Variants in ERI3 observed in about 807,000 individuals in gnomAD.
ERI3 encodes the protein ERI1 exoribonuclease 3.
In ERI3, 18 loss-of-function variants were observed where a neutral mutation model predicts 44.4. That is an observed-to-expected ratio of 0.41 (90% CI 0.28 to 0.60). The LOEUF (loss-of-function observed/expected upper bound fraction) is 0.60, where lower values mean the gene tolerates loss of function less well. ERI3 is among the 20% of genes least tolerant of loss of function. ERI3 has a pLI of 0.36. For synonymous variants in ERI3, 183 were observed against 164.8 expected (o/e 1.11, Z -0.84); for missense variants, 294 against 435.5 (o/e 0.68, Z 2.89).
At chr1:44,304,636 G>A (rs1645796179) in intron 6 of ERI3, among the ~76,000 whole-genome samples, 1 of 152,144 alleles carries the variant, frequency 6.6e-6, no homozygotes, top group Non-Finnish European at 1.5e-5. Flanking sequence ...TTCCATCGTG[G>A]CACCTTTCAC....
chr1:44,296,745 T>C (rs938848055), intron 6 of ERI3, among the ~76,000 whole-genome samples: 3 of 152,290 alleles, frequency 2.0e-5, no homozygotes, highest in East Asian at 1.9e-4. Context: ...TTGGCAAAGA[T>C]GGGAGTCCTA....
chr1:44,305,425 A>G (rs1349014068), intron 6 of ERI3, among the ~76,000 whole-genome samples: 1 of 152,248 alleles, frequency 6.6e-6, no homozygotes, highest in East Asian at 1.9e-4. Flanking sequence ...AGGCGAAGAA[A>G]AAGTGGGTCA....
intron 6 of ERI3, among the ~76,000 whole-genome samples, chr1:44,290,598 G>A (rs1404106160): frequency 6.6e-6 from 1 of 152,192 alleles, no homozygotes; most frequent in Non-Finnish European, 1.5e-5. Context: ...GCCTCCATGG[G>A]CAGCATGATT....
chr1:44,330,816 G>A (rs1646412661), intron 3 of ERI3, among the ~76,000 whole-genome samples: 1 of 152,098 alleles, frequency 6.6e-6, no homozygotes, highest in Non-Finnish European at 1.5e-5. Flanking sequence ...TCATCCCAAT[G>A]GCATCTTAAT....
chr1:44,232,427 CAG>C (rs1253552109), intron 8 of ERI3, among the ~76,000 whole-genome samples: 8 of 152,268 alleles, frequency 5.3e-5, no homozygotes, highest in African/African-American at 1.9e-4. Context: ...CCAGTGAAAA[CAG>C]AGAGGGAAGA....
chr1:44,342,892 G>A (rs1347320797), intron 2 of ERI3, among the ~76,000 whole-genome samples: 1 of 67,806 alleles, frequency 1.5e-5, no homozygotes, highest in African/African-American at 5.8e-5. Context: ...TTTTTTTGTA[G>A]AGATAAGAGT....
chr1:44,323,121 C>A (rs1219846215), intron 3 of ERI3: 2 of 396,252 alleles, frequency 5.0e-6, no homozygotes, highest in Non-Finnish European at 8.8e-6. Flanking sequence ...AAGGACCAGT[C>A]GTATTTACCA....
rs901752913 is a variant in ERI3 at position 44,353,509 on chromosome 1, T to A, written c.136-584A>T. ...GTTGCAGAGATGCCCCTGTTAGTGA[T>A]GTCTTTTGCATAAAGAAACACCTAG... On this transcript the variant is annotated intron_variant, in intron 1 of 8. Transcript: ENST00000372257. 2.0e-5 allele frequency: 20 copies of A among 985,478 alleles called. No homozygotes were observed. The East Asian group carries it at 2.2e-3, about 106-fold the overall frequency. The allele number at this position is 985,478 out of a possible 1,614,324, so 61.0% of individuals were successfully genotyped here. A position where few individuals can be genotyped will look rare whatever the true frequency, so the allele number is the denominator to read the frequency against.
intron 6 of ERI3, among the ~76,000 whole-genome samples, chr1:44,300,331 T>C (rs1479863671): frequency 2.0e-5 from 3 of 152,246 alleles, no homozygotes; most frequent in South Asian, 2.1e-4. Context: ...ACCTTCCTAG[T>C]GGGTGAAGAA....
Position 44,231,449 on chromosome 1 carries a change from CCA to C in ERI3, c.932-9811_932-9810del, listed in dbSNP as rs1557768449. 2.6e-5 allele frequency among the ~76,000 whole-genome samples: 4 copies of C among 152,300 alleles called. No individual in the cohort carries two copies. In the South Asian group the frequency reaches 8.3e-4, roughly 32 times the overall value. On this transcript the variant is annotated intron_variant, in intron 8 of 8. Transcript: ENST00000372257. ...AGTGCAGTGGTTTGCTCATAGCTCACCACAGTCTCGACCTCTTGGGGTCAAGC... is the reference window on the plus strand; with the variant it reads ...AGTGCAGTGGTTTGCTCATAGCTCACCAGTCTCGACCTCTTGGGGTCAAGC...
rs75721927 is a variant in ERI3, at chr1:44,261,658, C to T, written c.832-13620G>A. Among the ~76,000 whole-genome samples, 190 of 152,368 alleles carry T rather than the reference C, an allele frequency of 1.2e-3. 2 individuals carry two copies. The highest frequency in any genetic ancestry group is 4.5e-3 in the African/African-American group (186 of 41,586). ...CTGCGCCCCGCTATGCGCTCCGCTC[C>T]GTCCCCAAAGAGAAAGAAAGGCTCG... On this transcript the variant is annotated intron_variant, in intron 7 of 8. Transcript: ENST00000372257.
intron 8 of ERI3, among the ~76,000 whole-genome samples, chr1:44,231,522 C>G (rs1033026338): frequency 1.3e-5 from 2 of 152,082 alleles, no homozygotes; most frequent in African/African-American, 2.4e-5. Flanking sequence ...TACAGGTATG[C>G]CACCATGCCT....
At chr1:44,292,515 T>G (rs1645528512) in intron 6 of ERI3, among the ~76,000 whole-genome samples, 1 of 152,164 alleles carries the variant, frequency 6.6e-6, no homozygotes, top group Non-Finnish European at 1.5e-5. Flanking sequence ...AAGATAACCA[T>G]AGCAGACACA....
At chr1:44,263,350 C>A (rs1311697182) in intron 7 of ERI3, among the ~76,000 whole-genome samples, 1 of 152,206 alleles carries the variant, frequency 6.6e-6, no homozygotes, top group Non-Finnish European at 1.5e-5. Context: ...ATAAGCCCAG[C>A]CAGCTGGTGC....
At chr1:44,323,189 G>A in intron 3 of ERI3, 1 of 233,228 alleles carries the variant, frequency 4.3e-6, no homozygotes, top group South Asian at 1.0e-4. Flanking sequence ...TATGCCATTT[G>A]CATTCAATTA....
intron 6 of ERI3, among the ~76,000 whole-genome samples, chr1:44,287,395 T>A (rs1285262829): frequency 2.6e-5 from 4 of 152,236 alleles, no homozygotes; most frequent in Admixed American, 1.3e-4. Context: ...TCCATTACCC[T>A]TCAAATATTT....
At chr1:44,304,294 G>A (rs1645788973) in intron 6 of ERI3, among the ~76,000 whole-genome samples, 1 of 152,066 alleles carries the variant, frequency 6.6e-6, no homozygotes, top group African/African-American at 2.4e-5. Flanking sequence ...AGATCACTCT[G>A]GTAAGTGTGA....
chr1:44,272,739 G>C (rs892155915), intron 7 of ERI3, among the ~76,000 whole-genome samples: 4 of 151,978 alleles, frequency 2.6e-5, no homozygotes, highest in Admixed American at 2.6e-4. Context: ...TACTCTGGCG[G>C]CTGAGCATGA....
intron 7 of ERI3, among the ~76,000 whole-genome samples, chr1:44,274,574 C>T (rs1329166779): frequency 6.6e-6 from 1 of 152,188 alleles, no homozygotes; most frequent in Non-Finnish European, 1.5e-5. Flanking sequence ...CTAGCTCCAG[C>T]AGCCCCTGAC....
Sources: gnomAD v4.1 joint callset for allele counts (sites outside exome capture counted in the v4.1 genomes callset) on GRCh38, gnomAD v4.1.1 for gene constraint, MANE v1.5 for transcripts, NCBI Gene and HGNC (gene_info 2026-07-23, HGNC 2026-07-21) for gene names.